ESR1: variants seen among roughly 807,000 people sequenced by gnomAD.
The protein encoded by ESR1 is estrogen receptor 1.
In ESR1, 12 loss-of-function variants were observed where a neutral mutation model predicts 52.7. The ratio of observed to expected loss-of-function variants is 0.23; its 90% CI spans 0.15 to 0.37. The LOEUF (loss-of-function observed/expected upper bound fraction) is 0.37. Among genes scored for constraint, ESR1 ranks in the 10% least tolerant of loss-of-function variants. ESR1 has a pLI of 1.00. For synonymous variants in ESR1, 305 were observed against 316.8 expected (o/e 0.96, Z 0.39); for missense variants, 584 against 779.7 (o/e 0.75, Z 2.99).
chr6:151,856,374 C>T (rs1410909207), intron 2 of ESR1, among the ~76,000 whole-genome samples: 1 of 152,148 alleles, frequency 6.6e-6, no homozygotes, highest in Admixed American at 6.6e-5. Flanking sequence ...TGATTTTCTT[C>T]CTCTGGCTTT....
intron 1 of ESR1, among the ~76,000 whole-genome samples, chr6:151,817,740 G>A (rs1247670807): frequency 6.6e-6 from 1 of 152,210 alleles, no homozygotes; most frequent in African/African-American, 2.4e-5. Flanking sequence ...GTGCCAGTTA[G>A]CCTGTATAAT....
intron 1 of ESR1, among the ~76,000 whole-genome samples, chr6:151,824,157 T>C (rs1388364315): frequency 1.3e-5 from 2 of 152,112 alleles, no homozygotes; most frequent in South Asian, 2.1e-4. Flanking sequence ...TTTTAATGAT[T>C]GCCATTCTAA....
At chr6:152,031,511 C>G (rs1183283936) in intron 5 of ESR1, among the ~76,000 whole-genome samples, 1 of 152,098 alleles carries the variant, frequency 6.6e-6, no homozygotes, top group Non-Finnish European at 1.5e-5. Context: ...CTATAAACAC[C>G]TCTACACAAA....
chr6:151,768,428 C>T (rs1785238177), intron 2 of ESR1, among the ~76,000 whole-genome samples: 1 of 152,120 alleles, frequency 6.6e-6, no homozygotes, highest in African/African-American at 2.4e-5. Context: ...CCAAAGGAGG[C>T]TAAAAGAGAC....
At chr6:151,790,839 C>T (rs1282768934) in intron 2 of ESR1, among the ~76,000 whole-genome samples, 1 of 152,016 alleles carries the variant, frequency 6.6e-6, no homozygotes. Flanking sequence ...GTTGGGTATT[C>T]CTAAATTGAT....
intron 6 of ESR1, among the ~76,000 whole-genome samples, chr6:152,089,350 A>G (rs549173157): frequency 1.3e-5 from 2 of 152,314 alleles, no homozygotes; most frequent in African/African-American, 2.4e-5. Flanking sequence ...CTCTCTACAT[A>G]TTTACATCCG....
At chr6:152,051,328 T>C (rs2046660254) in intron 5 of ESR1, among the ~76,000 whole-genome samples, 1 of 152,114 alleles carries the variant, frequency 6.6e-6, no homozygotes, top group Non-Finnish European at 1.5e-5. Flanking sequence ...CTTTCTTCAC[T>C]TCCATCCCCA....
At chr6:151,734,623 C>G (rs1185863803) in intron 2 of ESR1, among the ~76,000 whole-genome samples, 5 of 149,560 alleles carry the variant, frequency 3.3e-5, no homozygotes, top group African/African-American at 9.8e-5. Context: ...CAAAGCTAAC[C>G]TTTTTTTTTT....
chr6:151,735,776 C>T (rs1782604064), intron 2 of ESR1, among the ~76,000 whole-genome samples: 1 of 152,102 alleles, frequency 6.6e-6, no homozygotes, highest in Non-Finnish European at 1.5e-5. Context: ...TGTCCCCACT[C>T]AAGTCTTATC....
chr6:151,788,781 A>G lies in ESR1; in HGVS notation c.-70-19062A>G, dbSNP rs140843297. On this transcript the variant is annotated intron_variant, in intron 2 of 2. Transcript: ENST00000404742. ...AGAATACTATGCAGCCACCAAAAAGAATGAGATCATGTCCTTTTCAGGAAC... is the reference window on the plus strand; with the variant it reads ...AGAATACTATGCAGCCACCAAAAAGGATGAGATCATGTCCTTTTCAGGAAC... Among the ~76,000 whole-genome samples, 288 of 152,312 alleles carry G rather than the reference A, an allele frequency of 1.9e-3. 1 individual carries two copies. The highest frequency in any genetic ancestry group is 6.7e-3 in the African/African-American group (279 of 41,574).
At chr6:151,700,430 A>G (rs530023304) in intron 1 of ESR1, among the ~76,000 whole-genome samples, 28 of 152,330 alleles carry the variant, frequency 1.8e-4, no homozygotes, top group Non-Finnish European at 3.4e-4. Context: ...TAGCAATGAA[A>G]TATACAAGTC....
At chr6:151,804,198 T>A (rs1446428441), upstream of ESR1, among the ~76,000 whole-genome samples, 3 of 152,152 alleles carry the variant, frequency 2.0e-5, no homozygotes, top group African/African-American at 4.8e-5. Context: ...CCAAGATGAG[T>A]TTGGAAGAGA....
intron 5 of ESR1, among the ~76,000 whole-genome samples, chr6:152,025,266 C>CT (rs1189978843): frequency 0.023 from 2,693 of 116,716 alleles, 83 homozygotes; most frequent in African/African-American, 0.077. Flanking sequence ...GGAAGTTTTT[C>CT]TTTTTTTTTT....
Position 151,882,687 on chromosome 6 carries a change from A to G in ESR1, c.760+1916A>G, listed in dbSNP as rs78547842. Among the ~76,000 whole-genome samples the G allele has an allele frequency of 3.3e-4, 51 of 152,268 alleles. No homozygotes were observed. The East Asian group carries it at 7.3e-3, about 22-fold the overall frequency. ...CCTTGAAAGCTGAAATAATCAAGTC[A>G]TGAATATGTCCAAAACAATTTTTAA... On this transcript the variant is annotated intron_variant, in intron 3 of 7. Coordinates refer to ENST00000206249, the MANE Select transcript of ESR1 (RefSeq NM_000125.4).
intron 3 of ESR1, among the ~76,000 whole-genome samples, chr6:151,899,843 G>T (rs1304114657): frequency 6.6e-6 from 1 of 151,824 alleles, no homozygotes; most frequent in East Asian, 1.9e-4. Context: ...TGGGATGGCG[G>T]CCGGGAAGAG....
chr6:151,815,542 A>G (rs9340781), intron 1 of ESR1, among the ~76,000 whole-genome samples: 24 of 152,326 alleles, frequency 1.6e-4, no homozygotes, highest in African/African-American at 5.8e-4. Context: ...GAGAAAGGCC[A>G]TTTAGGAAGG....
chr6:151,696,503 TAA>T (rs1378330267), intron 1 of ESR1, among the ~76,000 whole-genome samples: 3 of 151,042 alleles, frequency 2.0e-5, no homozygotes, highest in African/African-American at 2.4e-5. Context: ...AATAAATAAA[TAA>T]ATAAATAAAT....
intron 3 of ESR1, among the ~76,000 whole-genome samples, chr6:151,891,101 A>G (rs1794644834): frequency 6.6e-6 from 1 of 152,186 alleles, no homozygotes; most frequent in Admixed American, 6.5e-5. Flanking sequence ...TCTTATAGTT[A>G]TACCAGGCTA....
chr6:151,706,486 C>T (rs370495923), intron 2 of ESR1, among the ~76,000 whole-genome samples: 47 of 152,210 alleles, frequency 3.1e-4, no homozygotes, highest in East Asian at 1.9e-3. Context: ...CATCCCAGGG[C>T]GGGGCAGGAG....
Sources: gnomAD v4.1 joint callset for allele counts (sites outside exome capture counted in the v4.1 genomes callset) on GRCh38, gnomAD v4.1.1 for gene constraint, MANE v1.5 for transcripts, NCBI Gene and HGNC (gene_info 2026-07-23, HGNC 2026-07-21) for gene names.